Variants in L3MBTL4 observed in about 807,000 individuals in gnomAD.
L3MBTL4 encodes lethal(3)malignant brain tumor-like protein 4.
In L3MBTL4, 70 loss-of-function variants were observed where a neutral mutation model predicts 84.5. The ratio of observed to expected loss-of-function variants is 0.83; its 90% CI spans 0.68 to 1.01. The LOEUF (loss-of-function observed/expected upper bound fraction) is 1.01. L3MBTL4 is among the 50% of genes least tolerant of loss of function. The pLI is 0.00. For synonymous variants in L3MBTL4, 274 were observed against 259.8 expected (o/e 1.05, Z -0.52); for missense variants, 715 against 754.8 (o/e 0.95, Z 0.62).
chr18:6,128,040 G>A, intron 14 of L3MBTL4, among the ~76,000 whole-genome samples: 1 of 129,286 alleles, frequency 7.7e-6, no homozygotes, highest in African/African-American at 3.1e-5. Flanking sequence ...GGGTGGGGCG[G>A]GGGAAGAGTC....
chr18:6,344,045 G>T (rs1389262658), intron 1 of L3MBTL4, among the ~76,000 whole-genome samples: 1 of 139,452 alleles, frequency 7.2e-6, no homozygotes, highest in African/African-American at 2.7e-5. Flanking sequence ...AAGGAATAAA[G>T]ATTAGAACAA....
chr18:6,250,748 G>A (rs190503168), intron 5 of L3MBTL4, among the ~76,000 whole-genome samples: 5 of 152,234 alleles, frequency 3.3e-5, no homozygotes, highest in Admixed American at 6.5e-5. Flanking sequence ...ACCTTCACAC[G>A]ATAGCTCTCA....
intron 14 of L3MBTL4, among the ~76,000 whole-genome samples, chr18:6,108,718 G>A (rs1284003012): frequency 1.3e-5 from 2 of 152,044 alleles, no homozygotes; most frequent in Admixed American, 6.6e-5. Flanking sequence ...CCCCTCTTTT[G>A]CTTTTTGGGG....
chr18:5,969,315 A>G (rs2052513450), intron 17 of L3MBTL4, 78 bp downstream of exon 17: 1 of 1,510,428 alleles, frequency 6.6e-7, no homozygotes, highest in Non-Finnish European at 9.1e-7. Context: ...GACATCAAAG[A>G]ATGGTCAGTG....
chr18:6,368,643 G>C (rs1407748533), intron 1 of L3MBTL4, among the ~76,000 whole-genome samples: 1 of 152,202 alleles, frequency 6.6e-6, no homozygotes, highest in Non-Finnish European at 1.5e-5. Context: ...AGTATACCAA[G>C]TGGTCCCTTG....
chr18:6,067,693 A>AT lies in L3MBTL4; in HGVS notation c.1444+13187dup, dbSNP rs1474596421. 2.2e-4 allele frequency among the ~76,000 whole-genome samples: 33 copies of AT among 151,708 alleles called. 2 individuals carry two copies. The highest frequency in any genetic ancestry group is 8.0e-4 in the African/African-American group (33 of 41,070). On this transcript the variant is annotated intron_variant, in intron 16 of 18. Coordinates refer to ENST00000317931, the MANE Select transcript of L3MBTL4 (RefSeq NM_001330559.2). ...TGGAAAATTTTCATTCATATCCTAA[A>AT]TTTAAAAAAAAAATTTCTTTATGTT...
At chr18:6,056,733 T>C (rs1049643111) in intron 16 of L3MBTL4, among the ~76,000 whole-genome samples, 4 of 152,100 alleles carry the variant, frequency 2.6e-5, no homozygotes, top group Non-Finnish European at 5.9e-5. Context: ...GGTGTCCTGA[T>C]GAAATGGTAG....
At chr18:6,354,205 G>C (rs913326606) in intron 1 of L3MBTL4, among the ~76,000 whole-genome samples, 1 of 152,102 alleles carries the variant, frequency 6.6e-6, no homozygotes, top group East Asian at 1.9e-4. Flanking sequence ...TTCAATAAAT[G>C]GTGTTGGGAA....
At chr18:5,972,170 T>C (rs1170725019) in intron 16 of L3MBTL4, among the ~76,000 whole-genome samples, 2 of 152,196 alleles carry the variant, frequency 1.3e-5, no homozygotes, top group Non-Finnish European at 2.9e-5. Context: ...CTTGTGTCTG[T>C]TTACAGGCAA....
chr18:6,357,778 G>A (rs1035280786), intron 1 of L3MBTL4, among the ~76,000 whole-genome samples: 1 of 152,164 alleles, frequency 6.6e-6, no homozygotes, highest in Non-Finnish European at 1.5e-5. Context: ...AGTTGCCTAA[G>A]CCTTGTGGAT....
At chr18:6,244,004 A>C (rs189788936) in intron 6 of L3MBTL4, among the ~76,000 whole-genome samples, 1 of 152,186 alleles carries the variant, frequency 6.6e-6, no homozygotes, top group African/African-American at 2.4e-5. Flanking sequence ...AAATATAAAG[A>C]TCTTTTATGG....
At chr18:6,026,720 T>A (rs2055522527) in intron 16 of L3MBTL4, among the ~76,000 whole-genome samples, 1 of 152,280 alleles carries the variant, frequency 6.6e-6, no homozygotes, top group Admixed American at 6.5e-5. Context: ...ACTGAGAGTA[T>A]GATTACAAAC....
chr18:6,410,623 C>T (rs1050154965), intron 1 of L3MBTL4, among the ~76,000 whole-genome samples: 1 of 152,198 alleles, frequency 6.6e-6, no homozygotes, highest in African/African-American at 2.4e-5. Context: ...AAGTGTTATA[C>T]TCTCTATCTG....
At chr18:6,356,462 C>G (rs779383649) in intron 1 of L3MBTL4, among the ~76,000 whole-genome samples, 3 of 152,212 alleles carry the variant, frequency 2.0e-5, no homozygotes, top group Non-Finnish European at 4.4e-5. Context: ...AGGATTTGTT[C>G]TAAGAAATGC....
intron 13 of L3MBTL4, among the ~76,000 whole-genome samples, chr18:6,142,690 G>A (rs144794314): frequency 9.5e-4 from 145 of 152,252 alleles, no homozygotes; most frequent in African/African-American, 3.4e-3. Context: ...GGAGTTTGAG[G>A]TGGGAGGATC....
chr18:6,342,384 G>T (rs1425890590), intron 1 of L3MBTL4, among the ~76,000 whole-genome samples: 4 of 152,126 alleles, frequency 2.6e-5, no homozygotes, highest in Admixed American at 2.0e-4. Flanking sequence ...AGTAAAGATA[G>T]ATTTATTATA....
At chr18:6,267,982 GA>G (rs1181780826) in intron 4 of L3MBTL4, among the ~76,000 whole-genome samples, 1 of 152,126 alleles carries the variant, frequency 6.6e-6, no homozygotes, top group Non-Finnish European at 1.5e-5. Context: ...ATTTTTCACA[GA>G]AAGCACTTTA....
rs562824136 is a variant in L3MBTL4 at position 5,987,231 on chromosome 18, G to A, written c.1445-17669C>T. 2.6e-5 allele frequency among the ~76,000 whole-genome samples: 4 copies of A among 152,320 alleles called. No individual in the cohort carries two copies. The South Asian group carries it at 6.2e-4, about 24-fold the overall frequency. On this transcript the variant is annotated intron_variant, in intron 16 of 18. Coordinates refer to ENST00000317931, the MANE Select transcript of L3MBTL4 (RefSeq NM_001330559.2). ...TCTTCTTTTGACTTCCCTAGGGAAG[G>A]GAAAATGTGCTATGAAGTTAAAAGA...
chr18:6,295,346 CTATATATATA>C (rs71163269), intron 4 of L3MBTL4, among the ~76,000 whole-genome samples: 29 of 81,388 alleles, frequency 3.6e-4, no homozygotes, highest in African/African-American at 1.8e-3. Context: ...CTCTCTCTCT[CTATATATATA>C]TATATATATA....
Sources: gnomAD v4.1 joint callset for allele counts (sites outside exome capture counted in the v4.1 genomes callset) on GRCh38, gnomAD v4.1.1 for gene constraint, MANE v1.5 for transcripts, NCBI Gene and HGNC (gene_info 2026-07-23, HGNC 2026-07-21) for gene names.